Variants in RAD54B observed in about 807,000 individuals in gnomAD.
The protein encoded by RAD54B is DNA repair and recombination protein RAD54B.
RAD54B carries 78 observed loss-of-function variants against 95.8 expected under a neutral mutation model. The observed-to-expected ratio is 0.81, with a 90% CI of 0.68 to 0.98. The LOEUF (loss-of-function observed/expected upper bound fraction) is 0.98. Ranked by LOEUF, RAD54B falls within the 50% of genes least tolerant of loss-of-function variation. The pLI, the probability that RAD54B is intolerant of heterozygous loss-of-function variation, is 0.00. For synonymous variants in RAD54B, 328 were observed against 354.9 expected, an observed-to-expected ratio of 0.92 and a Z score of 0.85; for missense variants, 957 against 1,056.6, an observed-to-expected ratio of 0.91 and a Z score of 1.31.
chr8:94,381,063 AG>A (rs1810727138), intron 11 of RAD54B, among the ~76,000 whole-genome samples: 1 of 152,232 alleles, frequency 6.6e-6, no homozygotes, highest in African/African-American at 2.4e-5. Context: ...AGGCTGAAAC[AG>A]GAAGATAACT....
At chr8:94,410,428 G>C (rs56068401) in intron 4 of RAD54B, among the ~76,000 whole-genome samples, 15 of 152,114 alleles carry the variant, frequency 9.9e-5, no homozygotes, top group Non-Finnish European at 1.8e-4. Flanking sequence ...GGTATTCCTA[G>C]CATACTGCCT....
intron 3 of RAD54B, chr8:94,427,704 T>G (rs1299889667): frequency 1.0e-6 from 1 of 983,232 alleles, no homozygotes; most frequent in East Asian, 1.1e-4. Flanking sequence ...ACAAAAAAAG[T>G]ACACAAATCA....
chr8:94,440,049 G>A (rs898599357), intron 3 of RAD54B, among the ~76,000 whole-genome samples: 2 of 152,076 alleles, frequency 1.3e-5, no homozygotes, highest in Non-Finnish European at 2.9e-5. Context: ...ACATGTTTTG[G>A]GGTAAAATAT....
intron 14 of RAD54B, among the ~76,000 whole-genome samples, chr8:94,373,869 A>G (rs1384178983): frequency 6.6e-6 from 1 of 152,200 alleles, no homozygotes; most frequent in Non-Finnish European, 1.5e-5. Context: ...TTCATTCTAC[A>G]TTTCTAAAAG....
intron 6 of RAD54B, among the ~76,000 whole-genome samples, chr8:94,401,907 C>T (rs1050991003): frequency 5.9e-5 from 9 of 152,118 alleles, no homozygotes; most frequent in African/African-American, 2.2e-4. Flanking sequence ...AACAGGAAGC[C>T]TTTATGGAGA....
At chr8:94,442,311 C>T (rs1362738077) in intron 3 of RAD54B, among the ~76,000 whole-genome samples, 5 of 151,924 alleles carry the variant, frequency 3.3e-5, no homozygotes, top group East Asian at 1.9e-4. Flanking sequence ...CGGTGGCTCA[C>T]GCCTGTAATC....
At chr8:94,471,534 C>T (rs748445532) in intron 1 of RAD54B, among the ~76,000 whole-genome samples, 1 of 151,952 alleles carries the variant, frequency 6.6e-6, no homozygotes, top group Non-Finnish European at 1.5e-5. Flanking sequence ...ATGAAAACAT[C>T]AAAATGTACA....
chr8:94,460,157 CAA>C lies in RAD54B; in HGVS notation c.136-1723_136-1722del, dbSNP rs35298354. Among the ~76,000 whole-genome samples, 6 of 146,468 alleles carry C rather than the reference CAA, an allele frequency of 4.1e-5. No individual in the cohort carries two copies. In the East Asian group the frequency reaches 6.0e-4, roughly 15 times the overall value. ...TGGGCAACAGAGCGAGACTCCGTCT[CAA>C]AAAAAAAAAGATGAAACGAGATCAG... On this transcript the variant is annotated intron_variant, in intron 2 of 14. Transcript: ENST00000336148.
Position 94,404,219 on chromosome 8 carries a change from G to C in RAD54B, c.802C>G (p.Pro268Ala), listed in dbSNP as rs1811329314. The stretch of plus-strand genomic sequence containing the variant: ...AATACCCACTGGTGATTCTTATCTG[G>C]TCGTGGCATAACGAGGGAATCTTAA... Reference protein sequence around the residue: ...YTPNSLVMPRPDKNHQWVFNK... With the variant: ...YTPNSLVMPRADKNHQWVFNK... Residue 268 changes from proline to alanine, a missense_variant, in exon 6 of 15, where the codon CCA becomes GCA. By Grantham distance (27) the Pro-to-Ala change is conservative. Coordinates refer to ENST00000336148, the MANE Select transcript of RAD54B (RefSeq NM_012415.3). 6.3e-7 allele frequency: 1 copy of C among 1,593,556 alleles called. No homozygotes were observed. The highest frequency in any genetic ancestry group is 2.2e-5 in the East Asian group (1 of 44,458).
intron 5 of RAD54B, among the ~76,000 whole-genome samples, 160 bp downstream of exon 5, chr8:94,407,274 ATTGTT>A (rs1228423689): frequency 6.6e-6 from 1 of 152,100 alleles, no homozygotes; most frequent in Admixed American, 6.6e-5. Context: ...CCCAAACTAT[ATTGTT>A]ATTTGACTTC....
intron 1 of RAD54B, among the ~76,000 whole-genome samples, chr8:94,473,693 T>C (rs1813224024): frequency 6.6e-6 from 1 of 152,008 alleles, no homozygotes; most frequent in Non-Finnish European, 1.5e-5. Flanking sequence ...TAAAGAGAGG[T>C]ATGTGCAACC....
At chr8:94,377,971 G>A (rs1375887465) in intron 14 of RAD54B, among the ~76,000 whole-genome samples, 1 of 49,342 alleles carries the variant, frequency 2.0e-5, no homozygotes, top group Admixed American at 3.5e-4. Context: ...GCGAGACTCC[G>A]TCTCAAAAAA....
chr8:94,442,496 A>T (rs1350562276), intron 3 of RAD54B, among the ~76,000 whole-genome samples: 1 of 150,628 alleles, frequency 6.6e-6, no homozygotes, highest in Admixed American at 6.6e-5. Context: ...AATGGCGTGA[A>T]CCCGGGAGGC....
intron 2 of RAD54B, among the ~76,000 whole-genome samples, chr8:94,463,418 GATA>G (rs1331620384): frequency 1.3e-5 from 2 of 151,968 alleles, no homozygotes; most frequent in African/African-American, 2.4e-5. Flanking sequence ...CAATCAAAAA[GATA>G]ATAAGTGTTG....
At chr8:94,459,159 C>CT (rs1249993337) in intron 2 of RAD54B, among the ~76,000 whole-genome samples, 1 of 151,924 alleles carries the variant, frequency 6.6e-6, no homozygotes, top group Non-Finnish European at 1.5e-5. Context: ...GCCCCCACCT[C>CT]TTTTTTTAAG....
At chr8:94,394,906 A>G (rs1177591899) in intron 8 of RAD54B, among the ~76,000 whole-genome samples, 23 of 152,136 alleles carry the variant, frequency 1.5e-4, no homozygotes, top group Admixed American at 1.5e-3. Flanking sequence ...GGTCCTCCCC[A>G]CCCCCAGGTT....
chr8:94,372,501 T>C (rs1810466079), intron 14 of RAD54B, 114 bp from the exon 15 acceptor site: 2 of 1,473,790 alleles, frequency 1.4e-6, no homozygotes, highest in African/African-American at 2.9e-5. Flanking sequence ...TTGATCACCA[T>C]GGTTCAAGTT....
intron 3 of RAD54B, among the ~76,000 whole-genome samples, chr8:94,413,654 A>G (rs1239888352): frequency 6.6e-6 from 1 of 152,202 alleles, no homozygotes; most frequent in Non-Finnish European, 1.5e-5. Context: ...GCTTTCTTAG[A>G]ATACAAAAGC....
intron 2 of RAD54B, among the ~76,000 whole-genome samples, chr8:94,463,181 CAAATAAATAAAT>C (rs113925345): frequency 2.7e-5 from 4 of 147,178 alleles, no homozygotes; most frequent in African/African-American, 1.0e-4. Context: ...ATCTCAAAAA[CAAATAAATAAAT>C]AAATAAATAA....
Sources: gnomAD v4.1 joint callset for allele counts (sites outside exome capture counted in the v4.1 genomes callset) on GRCh38, gnomAD v4.1.1 for gene constraint, MANE v1.5 for transcripts, NCBI Gene and HGNC (gene_info 2026-07-23, HGNC 2026-07-21) for gene names.